The following SPTLC3 variants were observed in gnomAD, a reference collection of about 807,000 sequenced individuals.
SPTLC3 encodes serine palmitoyltransferase long chain base subunit 3.
In SPTLC3, 36 loss-of-function variants were observed where a neutral mutation model predicts 59.3. The ratio of observed to expected loss-of-function variants is 0.61; its 90% confidence interval spans 0.47 to 0.80. The LOEUF (loss-of-function observed/expected upper bound fraction) is 0.80, where lower values mean the gene tolerates loss of function less well. Ranked by LOEUF, SPTLC3 falls within the 30% of genes least tolerant of loss-of-function variation. The pLI, the probability that SPTLC3 is intolerant of heterozygous loss-of-function variation, is 0.00. For synonymous variants in SPTLC3, 257 were observed against 240.8 expected, an observed-to-expected ratio of 1.07 and a Z score of -0.62; for missense variants, 625 against 685.1, an observed-to-expected ratio of 0.91 and a Z score of 0.98.
At chr20:13,149,002 A>AT (rs2038581916) in intron 9 of SPTLC3, among the ~76,000 whole-genome samples, 1 of 152,194 alleles carries the variant, frequency 6.6e-6, no homozygotes, top group South Asian at 2.1e-4. Context: ...TAAAACTGAG[A>AT]TTTTTAGATT....
intron 6 of SPTLC3, among the ~76,000 whole-genome samples, chr20:13,096,068 G>C (rs1297040080): frequency 6.6e-6 from 1 of 152,074 alleles, no homozygotes; most frequent in Non-Finnish European, 1.5e-5. Flanking sequence ...ATAGGCTTTG[G>C]CTACGGTGCT....
At chr20:13,035,294 T>C (rs1287834916) in intron 1 of SPTLC3, among the ~76,000 whole-genome samples, 1 of 152,178 alleles carries the variant, frequency 6.6e-6, no homozygotes, top group African/African-American at 2.4e-5. Flanking sequence ...GGAGTTTTGA[T>C]GCTGTCGAAA....
intron 1 of SPTLC3, among the ~76,000 whole-genome samples, chr20:13,030,593 C>T (rs950791618): frequency 6.6e-6 from 1 of 152,116 alleles, no homozygotes; most frequent in African/African-American, 2.4e-5. Context: ...ACATTTGTTC[C>T]TTCATTCATT....
intron 1 of SPTLC3, among the ~76,000 whole-genome samples, chr20:13,036,166 A>T (rs761357668): frequency 6.6e-6 from 1 of 152,202 alleles, no homozygotes; most frequent in African/African-American, 2.4e-5. Flanking sequence ...AAAAAAATAC[A>T]TGCTAAAAGT....
chr20:13,059,994 T>C (rs1987888816), intron 2 of SPTLC3, among the ~76,000 whole-genome samples: 1 of 152,224 alleles, frequency 6.6e-6, no homozygotes, highest in Non-Finnish European at 1.5e-5. Context: ...CTGACTGTTC[T>C]AAGTGGCAAC....
rs150611341 is a variant in SPTLC3 at position 13,159,951 on chromosome 20, G to T, written c.1416-52G>T. 2,476 of 1,448,748 alleles carry T rather than the reference G, an allele frequency of 1.7e-3. 24 individuals carry two copies. The highest frequency in any genetic ancestry group is 0.012 in the African/African-American group (838 of 70,414). The allele number at this position is 1,448,748 out of a possible 1,614,324, so 89.7% of individuals were successfully genotyped here. On this transcript the variant is annotated intron_variant, in intron 10 of 11. Transcript: ENST00000399002. ...ATTCCTTTTTTGTCAGGATAATTTT[G>T]TCTTTTCCCAACTAACCACTTTTTT...
chr20:13,164,456 A>C, intron 11 of SPTLC3: 1 of 513,808 alleles, frequency 1.9e-6, no homozygotes, highest in South Asian at 1.6e-5. Context: ...TTTAAAATAA[A>C]ACCTTTTAAG....
At chr20:13,018,375 T>C (rs1466561225) in intron 1 of SPTLC3, among the ~76,000 whole-genome samples, 2 of 152,216 alleles carry the variant, frequency 1.3e-5, no homozygotes, top group Non-Finnish European at 2.9e-5. Flanking sequence ...AAGACACATT[T>C]TCATAAGTTA....
intron 4 of SPTLC3, among the ~76,000 whole-genome samples, chr20:13,089,790 AAAAAAAAAAAAAAAC>A (rs1446412300): frequency 2.8e-5 from 4 of 145,212 alleles, no homozygotes; most frequent in Admixed American, 6.8e-5. Context: ...TATCTCAAAA[AAAAAAAAAAAAAAAC>A]AAAACAATGT....
At chr20:13,164,483 A>G (rs1478738072) in intron 11 of SPTLC3, 1 of 537,160 alleles carries the variant, frequency 1.9e-6, no homozygotes, top group African/African-American at 1.9e-5. Context: ...CATGGGTCAC[A>G]TGTTTTTATT....
At chr20:13,144,594 A>T (rs1010468338) in intron 9 of SPTLC3, among the ~76,000 whole-genome samples, 2 of 152,228 alleles carry the variant, frequency 1.3e-5, no homozygotes, top group Non-Finnish European at 2.9e-5. Flanking sequence ...TTCAGTTATT[A>T]TCAATCATTA....
chr20:13,050,626 A>C (rs919822431), intron 2 of SPTLC3: 1 of 152,228 alleles, frequency 6.6e-6, no homozygotes, highest in Non-Finnish European at 1.5e-5. Flanking sequence ...ACCTAGGTAC[A>C]CTGTCATCAG....
intron 8 of SPTLC3, among the ~76,000 whole-genome samples, chr20:13,122,535 A>T (rs2037891232): frequency 6.6e-6 from 1 of 152,206 alleles, no homozygotes; most frequent in Non-Finnish European, 1.5e-5. Context: ...TTTAGGTCCA[A>T]ATCCTTGTTC....
rs772858369 is a variant in SPTLC3, at chr20:13,009,306, A to G, written c.39A>G (p.Lys13=). 8.1e-6 allele frequency: 13 copies of G among 1,613,988 alleles called. No individual in the cohort carries two copies. Among genetic ancestry groups the G allele is most frequent in the East Asian group, 4.5e-5 (2 of 44,880 alleles). ...GAGGTGGTGCTGTTTGCAACGGGAA[A>G]CTTCACAATCACAAGAAACAGAGCA... ...NPGGGAVCNG[K]LHNHKKQSNG... Residue 13 remains lysine, a synonymous_variant, in exon 1 of 12, where the codon AAA becomes AAG. Coordinates refer to ENST00000399002, the MANE Select transcript of SPTLC3 (RefSeq NM_018327.4).
In SPTLC3 at chr20:13,166,262, T is replaced by C. The variant is rs2038982491; in HGVS notation, c.*1395T>C. Reference sequence around the variant, plus strand: ...GGACCCAAGCTTTCATGCTGTGCACTGAGATAGAAACTCCACCCGCAGCGC... The same window carrying C: ...GGACCCAAGCTTTCATGCTGTGCACCGAGATAGAAACTCCACCCGCAGCGC... On this transcript the variant is annotated 3_prime_UTR_variant, in exon 12 of 12. Transcript: ENST00000399002. 6.6e-6 allele frequency: 1 copy of C among 152,618 alleles called. No homozygotes were observed. The highest frequency in any genetic ancestry group is 2.4e-5 in the African/African-American group (1 of 41,448). The allele number at this position is 152,618 out of a possible 1,614,324, so 9.5% of individuals were successfully genotyped here. A position where few individuals can be genotyped will look rare whatever the true frequency, so the allele number is the denominator to read the frequency against.
Position 13,027,422 on chromosome 20 carries a change from A to T in SPTLC3, c.117+18038A>T, listed in dbSNP as rs1986204495. Among the ~76,000 whole-genome samples, 4 of 152,134 alleles carry T rather than the reference A, an allele frequency of 2.6e-5. No homozygotes were observed. The South Asian group carries it at 8.3e-4, about 32-fold the overall frequency. ...AGAAAATGGGGCTCAGAAAAGTGAG[A>T]TCAAAACCACATAGATAATAGAGAC... On this transcript the variant is annotated intron_variant, in intron 1 of 11. Coordinates refer to ENST00000399002, the MANE Select transcript of SPTLC3 (RefSeq NM_018327.4).
intron 1 of SPTLC3, among the ~76,000 whole-genome samples, chr20:13,024,745 A>C (rs1986063224): frequency 6.6e-6 from 1 of 152,182 alleles, no homozygotes. Context: ...TAATGACGTA[A>C]AGGAAGAGCT....
At chr20:13,065,388 C>T (rs1344988518) in intron 2 of SPTLC3, among the ~76,000 whole-genome samples, 3 of 150,192 alleles carry the variant, frequency 2.0e-5, no homozygotes, top group East Asian at 1.9e-4. Context: ...TCTAGTTTAC[C>T]TTCTATTATT....
chr20:13,147,502 C>T (rs1023708944), intron 9 of SPTLC3, among the ~76,000 whole-genome samples: 3 of 152,170 alleles, frequency 2.0e-5, no homozygotes, highest in African/African-American at 7.2e-5. Context: ...CAAGGTCTCT[C>T]CCCATCACCC....
Sources: allele counts gnomAD v4.1 joint callset (sites outside exome capture counted in the v4.1 genomes callset), GRCh38; gene constraint gnomAD v4.1.1; transcripts MANE v1.5; gene names NCBI Gene and HGNC (gene_info 2026-07-23, HGNC 2026-07-21).